NOS1AP: variants seen among roughly 807,000 people sequenced by gnomAD.
NOS1AP encodes nitric oxide synthase 1 adaptor protein.
In NOS1AP, 21 loss-of-function variants were observed where a neutral mutation model predicts 56.2. The ratio of observed to expected loss-of-function variants is 0.37; its 90% CI spans 0.26 to 0.54. NOS1AP has a LOEUF of 0.54. Among genes scored for constraint, NOS1AP ranks in the 20% least tolerant of loss-of-function variants. NOS1AP has a pLI of 0.84. For synonymous variants in NOS1AP, 270 were observed against 274.6 expected, an observed-to-expected ratio of 0.98 and a Z score of 0.17; for missense variants, 522 against 657.8, an observed-to-expected ratio of 0.79 and a Z score of 2.26.
intron 2 of NOS1AP, among the ~76,000 whole-genome samples, chr1:162,206,727 G>A (rs750801040): frequency 6.6e-6 from 1 of 152,234 alleles, no homozygotes; most frequent in South Asian, 2.1e-4. Flanking sequence ...GGGCCATGCA[G>A]TGTGGCTGGC....
chr1:162,096,764 G>A (rs909330361), intron 1 of NOS1AP, among the ~76,000 whole-genome samples: 16 of 151,928 alleles, frequency 1.1e-4, no homozygotes, highest in African/African-American at 3.9e-4. Flanking sequence ...ACCCTTATTA[G>A]TTCATTCATT....
chr1:162,077,524 T>C (rs1570990585), intron 1 of NOS1AP, among the ~76,000 whole-genome samples: 1 of 152,326 alleles, frequency 6.6e-6, no homozygotes, highest in Admixed American at 6.5e-5. Flanking sequence ...ATTTGCAATA[T>C]TTTTACCCAT....
intron 2 of NOS1AP, among the ~76,000 whole-genome samples, chr1:162,172,678 T>C (rs2102132900): frequency 6.6e-6 from 1 of 152,344 alleles, no homozygotes; most frequent in Middle Eastern, 3.4e-3. Flanking sequence ...GTGCTTTCCC[T>C]TCTGTCAGGT....
chr1:162,319,406 G>A (rs1656339369), intron 4 of NOS1AP, among the ~76,000 whole-genome samples: 1 of 151,836 alleles, frequency 6.6e-6, no homozygotes, highest in Non-Finnish European at 1.5e-5. Flanking sequence ...CCCCTGCTTA[G>A]ACTCCCATCC....
intron 2 of NOS1AP, among the ~76,000 whole-genome samples, chr1:162,166,378 G>T (rs374448165): frequency 2.0e-5 from 3 of 152,212 alleles, no homozygotes; most frequent in Non-Finnish European, 2.9e-5. Context: ...TTATAGGTCC[G>T]CTGTGCCTTG....
intron 8 of NOS1AP, among the ~76,000 whole-genome samples, chr1:162,361,943 C>T (rs1205549661): frequency 6.6e-6 from 1 of 152,186 alleles, no homozygotes. Flanking sequence ...CAAATTGCCT[C>T]CAGTACTGAC....
intron 2 of NOS1AP, 61 bp downstream of exon 2, chr1:162,154,537 T>C (rs1420195542): frequency 6.4e-7 from 1 of 1,556,094 alleles, no homozygotes; most frequent in Non-Finnish European, 8.9e-7. Context: ...TGCTGGCCCT[T>C]CTAGGTAGGG....
intron 2 of NOS1AP, among the ~76,000 whole-genome samples, chr1:162,241,478 T>C (rs943982128): frequency 1.3e-5 from 2 of 152,174 alleles, no homozygotes; most frequent in African/African-American, 4.8e-5. Context: ...TTAAAATTAC[T>C]TCACACTTGC....
intron 2 of NOS1AP, among the ~76,000 whole-genome samples, chr1:162,222,874 T>C (rs1218147312): frequency 6.6e-6 from 1 of 152,246 alleles, no homozygotes; most frequent in Non-Finnish European, 1.5e-5. Context: ...GAGGTTAAGA[T>C]CACGTGTGCT....
At chr1:162,197,897 C>T (rs1240118450) in intron 2 of NOS1AP, among the ~76,000 whole-genome samples, 1 of 152,266 alleles carries the variant, frequency 6.6e-6, no homozygotes, top group East Asian at 1.9e-4. Context: ...TCCCCGCTGG[C>T]CTGCTGTTCA....
intron 1 of NOS1AP, among the ~76,000 whole-genome samples, chr1:162,079,673 C>T (rs1478443487): frequency 2.6e-5 from 4 of 152,156 alleles, no homozygotes; most frequent in Non-Finnish European, 5.9e-5. Flanking sequence ...GGCCTAGCAC[C>T]GTGCATGACA....
chr1:162,267,631 C>T (rs907270747), intron 2 of NOS1AP, among the ~76,000 whole-genome samples: 4 of 151,396 alleles, frequency 2.6e-5, no homozygotes, highest in African/African-American at 9.7e-5. Context: ...TTTAAATTAG[C>T]CAGGCACCTA....
intron 1 of NOS1AP, among the ~76,000 whole-genome samples, chr1:162,104,450 G>T (rs2102034544): frequency 6.6e-6 from 1 of 152,202 alleles, no homozygotes; most frequent in Middle Eastern, 3.4e-3. Flanking sequence ...TTGAATGTTG[G>T]CATGTCTTTC....
At chr1:162,112,416 T>A (rs1241440583) in intron 1 of NOS1AP, among the ~76,000 whole-genome samples, 6 of 152,220 alleles carry the variant, frequency 3.9e-5, no homozygotes, top group Admixed American at 3.9e-4. Flanking sequence ...CCTTTGTTAC[T>A]GGGCTTTGAC....
chr1:162,101,640 T>G (rs1476029205), intron 1 of NOS1AP, among the ~76,000 whole-genome samples: 2 of 152,240 alleles, frequency 1.3e-5, no homozygotes, highest in Non-Finnish European at 2.9e-5. Context: ...CGGTTCCCCT[T>G]GAAGAGGTCC....
At chr1:162,186,471 A>G (rs1651436389) in intron 2 of NOS1AP, among the ~76,000 whole-genome samples, 1 of 152,266 alleles carries the variant, frequency 6.6e-6, no homozygotes, top group South Asian at 2.1e-4. Context: ...AATAGCTACT[A>G]TTAAGTATTT....
intron 2 of NOS1AP, among the ~76,000 whole-genome samples, chr1:162,176,081 G>T (rs1293833393): frequency 1.3e-5 from 2 of 152,216 alleles, no homozygotes; most frequent in Non-Finnish European, 2.9e-5. Context: ...TCTTCAGTGA[G>T]ATTATTTCAT....
At chr1:162,167,114 C>T (rs11581189) in intron 2 of NOS1AP, among the ~76,000 whole-genome samples, 67,483 of 152,090 alleles carry the variant, frequency 0.44, 18,333 homozygotes, top group Non-Finnish European at 0.61. Context: ...TAAGTCTCTG[C>T]CTCCCTGGAG....
chr1:162,207,163 G>C (rs1214997567), intron 2 of NOS1AP, among the ~76,000 whole-genome samples: 1 of 152,230 alleles, frequency 6.6e-6, no homozygotes, highest in Non-Finnish European at 1.5e-5. Context: ...CAGGGATCCT[G>C]AGCCTTCTCC....
Sources: allele counts gnomAD v4.1 joint callset (sites outside exome capture counted in the v4.1 genomes callset), GRCh38; gene constraint gnomAD v4.1.1; transcripts MANE v1.5; gene names NCBI Gene and HGNC (gene_info 2026-07-23, HGNC 2026-07-21).